PTPRC: variants seen among roughly 807,000 people sequenced by gnomAD.
PTPRC encodes the protein receptor-type tyrosine-protein phosphatase C.
A neutral mutation model predicts 155.9 loss-of-function variants in PTPRC; 44 were observed. The observed-to-expected ratio is 0.28, with a 90% CI of 0.22 to 0.36. PTPRC has a LOEUF of 0.36. PTPRC is among the 10% of genes least tolerant of loss of function. The pLI, the probability that PTPRC is intolerant of heterozygous loss-of-function variation, is 1.00. For synonymous variants in PTPRC, 525 were observed against 533.1 expected, an observed-to-expected ratio of 0.98 and a Z score of 0.21; for missense variants, 1,401 against 1,564.6, an observed-to-expected ratio of 0.90 and a Z score of 1.76.
chr1:198,752,665 C>G lies in PTPRC; in HGVS notation c.3402C>G (p.Pro1134=). Residue 1134 remains proline, a synonymous_variant, in exon 31 of 33, where the codon CCC becomes CCG. Transcript: ENST00000442510. ...GTGTGGAGCAGCTTCCTGCAGAACCCAAGGAATTAATCTCTATGATTCAGG... is the reference window on the plus strand; with the variant it reads ...GTGTGGAGCAGCTTCCTGCAGAACCGAAGGAATTAATCTCTATGATTCAGG... ...NWSVEQLPAE[P]KELISMIQVV... The G allele has an allele frequency of 1.9e-6, 3 of 1,612,734 alleles. No homozygotes were observed. The highest frequency in any genetic ancestry group is 2.5e-6 in the Non-Finnish European group (3 of 1,179,220).
At chr1:198,693,888 C>A in intron 3 of PTPRC, 1 of 1,147,172 alleles carries the variant, frequency 8.7e-7, no homozygotes, top group Non-Finnish European at 1.1e-6. Context: ...AGGAATGCTA[C>A]TCATCAAAAT....
At chr1:198,707,854 A>G (rs1159176275) in intron 9 of PTPRC, among the ~76,000 whole-genome samples, 4 of 152,244 alleles carry the variant, frequency 2.6e-5, no homozygotes, top group Non-Finnish European at 5.9e-5. Context: ...GAAAGCTACA[A>G]TTTTATCAAT....
chr1:198,693,565 CTATTA>C (rs1666041560), intron 3 of PTPRC, among the ~76,000 whole-genome samples: 1 of 152,148 alleles, frequency 6.6e-6, no homozygotes, highest in South Asian at 2.1e-4. Context: ...TGAATTGACT[CTATTA>C]TGACAAGCCT....
intron 14 of PTPRC, among the ~76,000 whole-genome samples, chr1:198,720,391 C>T (rs533665771): frequency 6.6e-6 from 1 of 152,064 alleles, no homozygotes; most frequent in African/African-American, 2.4e-5. Context: ...AGTGAAGTGG[C>T]GTGATCTCGG....
At chr1:198,714,768 T>C (rs1255539102) in intron 12 of PTPRC, among the ~76,000 whole-genome samples, 4 of 152,220 alleles carry the variant, frequency 2.6e-5, no homozygotes, top group African/African-American at 9.6e-5. Flanking sequence ...TTTCTCACCA[T>C]TTTAAATAAA....
Position 198,706,094 on chromosome 1 carries a change from G to A in PTPRC, c.686-640G>A, listed in dbSNP as rs1652948858. On this transcript the variant is annotated intron_variant, in intron 8 of 32. Coordinates refer to ENST00000442510, the MANE Select transcript of PTPRC (RefSeq NM_002838.5). ...GGTGACCATGTCTTACATATGACAA[G>A]GGCTTAATAATTTTTGTTGAATAAA... Among the ~76,000 whole-genome samples, 3 of 152,176 alleles carry A rather than the reference G, an allele frequency of 2.0e-5. No homozygotes were observed. The South Asian group carries it at 6.2e-4, about 32-fold the overall frequency.
rs1317341495 is a variant in PTPRC at position 198,754,393 on chromosome 1, G to T, written c.3634G>T (p.Val1212Phe). 6.2e-7 allele frequency: 1 copy of T among 1,613,442 alleles called. No individual in the cohort carries two copies. Among genetic ancestry groups the T allele is most frequent in the African/African-American group, 1.3e-5 (1 of 74,972 alleles). The part of the protein sequence containing the change: ...KALRKARPGM[V>F]STFEQYQFLY... ...TCTACGCAAAGCTAGGCCAGGCATGGTTTCCACATTCGTAAGTATCCTTCA... is the reference window on the plus strand; with the variant it reads ...TCTACGCAAAGCTAGGCCAGGCATGTTTTCCACATTCGTAAGTATCCTTCA... The change falls in exon 32 of 33, where the codon GTT becomes TTT. Residue 1212 changes from valine to phenylalanine, a missense_variant. Val to Phe is a conservative substitution (Grantham distance 50, BLOSUM62 -1). This residue lies in a region of PTPRC where 400 missense variants were observed against 389.5 expected (regional missense o/e 1.03). Transcript: ENST00000442510.
intron 3 of PTPRC, chr1:198,693,968 G>A (rs1040569625): frequency 6.5e-7 from 1 of 1,531,006 alleles, no homozygotes; most frequent in African/African-American, 1.4e-5. Context: ...TGTATATGAG[G>A]GGTAGTTTAT....
At chr1:198,709,873 T>G (rs1653199290) in intron 11 of PTPRC, 49 bp downstream of exon 11, 1 of 1,591,400 alleles carries the variant, frequency 6.3e-7, no homozygotes, top group Non-Finnish European at 8.6e-7. Flanking sequence ...TCTCTTCATG[T>G]TCTTATAATT....
In PTPRC at chr1:198,639,301, A is replaced by G. The variant is rs1419103961; in HGVS notation, c.33A>G (p.Ala11=). Residue 11 remains alanine (A), a synonymous_variant, in exon 2 of 33, where the codon GCA becomes GCG. Transcript: ENST00000442510. MTMYLWLKLL[A]FGFAFLDTEV... ...TGTATTTGTGGCTTAAACTCTTGGC[A>G]TTTGGCTTTGCCTTTCTGGACACAG... 1.2e-6 allele frequency: 2 copies of G among 1,613,454 alleles called. No homozygotes were observed. Among genetic ancestry groups the G allele is most frequent in the Non-Finnish European group, 1.7e-6 (2 of 1,179,504 alleles).
chr1:198,701,089 T>A (rs758274281), intron 5 of PTPRC, among the ~76,000 whole-genome samples: 5 of 152,214 alleles, frequency 3.3e-5, no homozygotes, highest in Non-Finnish European at 7.3e-5. Context: ...CTCACTCTTC[T>A]ACATATTCTG....
chr1:198,740,270 T>A (rs1208386540), intron 23 of PTPRC, among the ~76,000 whole-genome samples: 1 of 151,706 alleles, frequency 6.6e-6, no homozygotes, highest in Non-Finnish European at 1.5e-5. Context: ...AAATAAAATG[T>A]TGTTTTTAAA....
intron 3 of PTPRC, among the ~76,000 whole-genome samples, chr1:198,693,752 T>C (rs1666052112): frequency 6.6e-6 from 1 of 152,222 alleles, no homozygotes; most frequent in Admixed American, 6.5e-5. Context: ...TAATTTTAAA[T>C]TCTTATTTGT....
Position 198,741,933 on chromosome 1 carries a change from G to A in PTPRC, c.2468G>A (p.Gly823Glu), listed in dbSNP as rs781735584. Residue 823 changes from glycine to glutamate, a missense_variant, in exon 24 of 33, where the codon GGG becomes GAG. Around this residue, in one of 3 missense-constraint regions of PTPRC, gnomAD observed 134 missense variants for 204.7 expected, o/e 0.65. Transcript: ENST00000442510. ...HIQFTSWPDH[G>E]VPEDPHLLLK... Reference sequence around the variant, plus strand: ...CAGTTCACCAGCTGGCCAGACCACGGGGTGCCTGAGGATCCTCACTTGCTC... The same window carrying A: ...CAGTTCACCAGCTGGCCAGACCACGAGGTGCCTGAGGATCCTCACTTGCTC... 1 of 1,612,126 alleles carries A rather than the reference G, an allele frequency of 6.2e-7. No individual in the cohort carries two copies. Among genetic ancestry groups the A allele is most frequent in the South Asian group, 1.1e-5 (1 of 91,048 alleles).
chr1:198,699,994 G>T, intron 5 of PTPRC: 1 of 494,376 alleles, frequency 2.0e-6, no homozygotes, highest in Non-Finnish European at 3.6e-6. Context: ...CATTCTACAG[G>T]GAAAACTTTT....
intron 2 of PTPRC, among the ~76,000 whole-genome samples, chr1:198,681,203 G>A: frequency 6.6e-6 from 1 of 151,944 alleles, no homozygotes; most frequent in Non-Finnish European, 1.5e-5. Flanking sequence ...ATTTACGAAT[G>A]TTAATATATT....
chr1:198,645,025 C>T (rs1292893437), intron 2 of PTPRC, among the ~76,000 whole-genome samples: 3 of 151,596 alleles, frequency 2.0e-5, no homozygotes, highest in South Asian at 4.1e-4. Flanking sequence ...AGAATATAAT[C>T]AAAATTTGCA....
intron 12 of PTPRC, 56 bp from the exon 13 acceptor site, chr1:198,716,626 A>G: frequency 6.8e-7 from 1 of 1,467,316 alleles, no homozygotes; most frequent in Non-Finnish European, 9.5e-7. Context: ...TTAATTAGGT[A>G]CGTGGTAGTA....
chr1:198,639,044 T>C lies in PTPRC; in HGVS notation c.-137T>C. 1.9e-6 allele frequency: 1 copy of C among 528,106 alleles called. No homozygotes were observed. The highest frequency in any genetic ancestry group is 3.4e-6 in the Non-Finnish European group (1 of 295,896). 32.7% of individuals were successfully genotyped at this position (528,106 alleles called of 1,614,324 possible). A position where few individuals can be genotyped will look rare whatever the true frequency, so the allele number is the denominator to read the frequency against. ...GAAGTTAGTAAAACCGAATCTGACA[T>C]CATCACCTAGCAGTTCATGCAGCTA... On this transcript the variant is annotated 5_prime_UTR_variant, in exon 1 of 33. Coordinates refer to ENST00000442510, the MANE Select transcript of PTPRC (RefSeq NM_002838.5).
Sources: gnomAD v4.1 joint callset for allele counts (sites outside exome capture counted in the v4.1 genomes callset) on GRCh38, gnomAD v4.1.1 for gene constraint, gnomAD v4.1.1 regional missense constraint, MANE v1.5 for transcripts, NCBI Gene and HGNC (gene_info 2026-07-23, HGNC 2026-07-21) for gene names.